RPS6KC1: variants seen among roughly 807,000 people sequenced by gnomAD.
RPS6KC1 encodes ribosomal protein S6 kinase C1, also known as inactive ribosomal protein S6 kinase delta-1.
RPS6KC1 carries 54 observed loss-of-function variants against 103.8 expected under a neutral mutation model. The ratio of observed to expected loss-of-function variants is 0.52; its 90% CI spans 0.42 to 0.65. The LOEUF (loss-of-function observed/expected upper bound fraction) is 0.65. RPS6KC1 is among the 30% of genes least tolerant of loss of function. The pLI is 0.00. For missense variants in RPS6KC1, 1,151 were observed against 1,253.8 expected (o/e 0.92, Z 1.24); for synonymous variants, 439 against 438.7 (o/e 1.00, Z -0.01).
At chr1:213,265,642 T>A (rs2094894665) in intron 14 of RPS6KC1, among the ~76,000 whole-genome samples, 1 of 152,234 alleles carries the variant, frequency 6.6e-6, no homozygotes, top group Non-Finnish European at 1.5e-5. Context: ...TCTTAACAAA[T>A]CGTAGCAACT....
intron 6 of RPS6KC1, among the ~76,000 whole-genome samples, chr1:213,134,934 T>C (rs1413063132): frequency 6.6e-6 from 1 of 152,174 alleles, no homozygotes; most frequent in East Asian, 1.9e-4. Context: ...TCTCACCTAA[T>C]GCTCTGGCTA....
At chr1:213,749,431 A>G in the RPS6KC1 span, among the ~76,000 whole-genome samples, 2 of 152,036 alleles carry the variant, frequency 1.3e-5, no homozygotes, top group African/African-American at 4.8e-5. Context: ...GGGAACAGGA[A>G]CTCTAAGTGG....
chr1:213,162,559 A>G (rs1483895074), intron 6 of RPS6KC1, among the ~76,000 whole-genome samples: 1 of 152,166 alleles, frequency 6.6e-6, no homozygotes, highest in Admixed American at 6.5e-5. Flanking sequence ...CTGAGATTAC[A>G]GGCGTGAGTC....
intron 6 of RPS6KC1, among the ~76,000 whole-genome samples, chr1:213,151,312 A>G (rs1161751020): frequency 3.1e-5 from 2 of 63,544 alleles, no homozygotes; most frequent in Non-Finnish European, 6.1e-5. Flanking sequence ...GGCGCCCCTC[A>G]CCTCCCGGAC....
the RPS6KC1 span, among the ~76,000 whole-genome samples, chr1:213,363,631 T>C: frequency 3.9e-5 from 1 of 25,782 alleles, no homozygotes; most frequent in Non-Finnish European, 8.0e-5. Context: ...GCTTGCTTTC[T>C]TTCTTTCTTT....
At chr1:213,659,267 A>G in the RPS6KC1 span, among the ~76,000 whole-genome samples, 2 of 152,104 alleles carry the variant, frequency 1.3e-5, no homozygotes, top group East Asian at 3.9e-4. Context: ...ACCTGGCCTC[A>G]GCTGATATTC....
the RPS6KC1 span, among the ~76,000 whole-genome samples, chr1:213,707,530 G>C: frequency 6.6e-6 from 1 of 152,100 alleles, no homozygotes; most frequent in African/African-American, 2.4e-5. Context: ...TTCTATTGCT[G>C]TACAGAAGCT....
Position 213,242,294 on chromosome 1 carries a change from A to G in RPS6KC1, c.2818A>G (p.Arg940Gly), listed in dbSNP as rs749351424. ...CCCAAACAACATCTTATTGAATGAT[A>G]GAGGTCAGGAACTTTTGCAAATGCA... is the stretch of plus-strand genomic sequence containing the variant. Reference protein sequence around the residue: ...LNPNNILLNDRGHIQLTYFSR... With the variant: ...LNPNNILLNDGGHIQLTYFSR... The change falls in exon 11 of 15, where the codon AGA becomes GGA. Residue 940 changes from arginine (R) to glycine (G), a missense_variant. Physicochemically the swap from Arg to Gly is moderately radical, Grantham distance 125 (BLOSUM62 -2). Coordinates refer to ENST00000366960, the MANE Select transcript of RPS6KC1 (RefSeq NM_012424.6). 1 of 1,613,788 alleles carries G rather than the reference A, an allele frequency of 6.2e-7. No individual in the cohort carries two copies. Among genetic ancestry groups the G allele is most frequent in the African/African-American group, 1.3e-5 (1 of 75,040 alleles).
the RPS6KC1 span, among the ~76,000 whole-genome samples, chr1:213,334,510 G>A: frequency 1.1e-4 from 17 of 152,220 alleles, no homozygotes; most frequent in African/African-American, 3.6e-4. Flanking sequence ...CAAAACACCC[G>A]CAGTCATTCC....
chr1:213,606,494 A>G, the RPS6KC1 span, among the ~76,000 whole-genome samples: 154 of 152,334 alleles, frequency 1.0e-3, no homozygotes, highest in African/African-American at 3.4e-3. Context: ...TGAAGTTGCT[A>G]TTAGTGTCTT....
At chr1:213,173,262 C>T (rs930026603) in intron 7 of RPS6KC1, among the ~76,000 whole-genome samples, 3 of 152,116 alleles carry the variant, frequency 2.0e-5, no homozygotes, top group Admixed American at 1.3e-4. Context: ...TTTCTTTGTT[C>T]GTTTCTGTGA....
the RPS6KC1 span, among the ~76,000 whole-genome samples, chr1:213,771,899 G>A: frequency 6.6e-6 from 1 of 152,176 alleles, no homozygotes; most frequent in Non-Finnish European, 1.5e-5. Context: ...CAGCATGAAC[G>A]ATGATGAACA....
At chr1:213,635,424 A>G in the RPS6KC1 span, among the ~76,000 whole-genome samples, 40 of 152,306 alleles carry the variant, frequency 2.6e-4, no homozygotes, top group Admixed American at 2.5e-3. Flanking sequence ...CTTATCCACC[A>G]CGATCAAGTT....
chr1:213,508,036 A>C, the RPS6KC1 span, among the ~76,000 whole-genome samples: 4 of 152,226 alleles, frequency 2.6e-5, no homozygotes, highest in African/African-American at 4.8e-5. Context: ...AGGTGTACTT[A>C]GCGGTACTTA....
At chr1:213,399,613 A>G in the RPS6KC1 span, among the ~76,000 whole-genome samples, 40 of 152,046 alleles carry the variant, frequency 2.6e-4, no homozygotes, top group Non-Finnish European at 3.7e-4. Context: ...CAGACCTCGA[A>G]CTGACAGCAC....
At chr1:213,723,186 A>G in the RPS6KC1 span, among the ~76,000 whole-genome samples, 10 of 152,188 alleles carry the variant, frequency 6.6e-5, 1 homozygote, top group Admixed American at 6.5e-4. Flanking sequence ...ATCTGAAAGA[A>G]AAAAGGGAGT....
At chr1:213,235,139 A>G (rs2094194242) in intron 10 of RPS6KC1, among the ~76,000 whole-genome samples, 1 of 152,228 alleles carries the variant, frequency 6.6e-6, no homozygotes, top group Non-Finnish European at 1.5e-5. Flanking sequence ...TCTCCATAAC[A>G]TGAATGCTTT....
the RPS6KC1 span, among the ~76,000 whole-genome samples, chr1:213,376,845 C>G: frequency 6.6e-6 from 1 of 152,218 alleles, no homozygotes; most frequent in Non-Finnish European, 1.5e-5. Flanking sequence ...GAATGAGGCT[C>G]TCTTCAGATG....
intron 8 of RPS6KC1, among the ~76,000 whole-genome samples, chr1:213,209,537 A>C (rs1219486089): frequency 6.6e-6 from 1 of 151,974 alleles, no homozygotes; most frequent in Non-Finnish European, 1.5e-5. Flanking sequence ...TTCTACTAAA[A>C]ATACAAAATT....
Sources: gnomAD v4.1 joint callset for allele counts (sites outside exome capture counted in the v4.1 genomes callset) on GRCh38, gnomAD v4.1.1 for gene constraint, MANE v1.5 for transcripts, NCBI Gene and HGNC (gene_info 2026-07-23, HGNC 2026-07-21) for gene names.